ZNF671: variants seen among roughly 807,000 people sequenced by gnomAD.
ZNF671 encodes hypothetical protein FLJ23506.
ZNF671 carries 19 observed loss-of-function variants against 16.6 expected under a neutral mutation model. That is an observed-to-expected ratio of 1.14 (90% CI 0.80 to 1.68). The LOEUF is 1.68. Among genes scored for constraint, ZNF671 ranks in the 40% most tolerant of loss-of-function variants. The probability of loss-of-function intolerance (pLI) is 0.00; values close to 1 mark genes in which losing one functional copy is unlikely to be tolerated. For missense variants in ZNF671, 637 were observed against 659.8 expected (o/e 0.97, Z 0.38); for synonymous variants, 238 against 236.3 (o/e 1.01, Z -0.06).
At chr19:57,722,719 T>C (rs991422435) in intron 2 of ZNF671, among the ~76,000 whole-genome samples, 1 of 151,978 alleles carries the variant, frequency 6.6e-6, no homozygotes, top group Non-Finnish European at 1.5e-5. Flanking sequence ...CTGGGCAACA[T>C]GGCAAAACCA....
At position 57,721,572 on chromosome 19, in the gene ZNF671, T is replaced by C; in HGVS notation, c.514A>G (p.Ile172Val). ...ESHPCDICGPILKDTLHLAKY... is the reference protein window; with the variant it reads ...ESHPCDICGPVLKDTLHLAKY... ...GCCAGGTGTAAGGTATCTTTCAATA[T>C]TGGGCCACATATGTCACATGGGTGA... The change falls in exon 4 of 4, where the codon ATA becomes GTA. Residue 172 changes from isoleucine (I) to valine (V), a missense_variant. Transcript: ENST00000317398. The C allele has an allele frequency of 6.2e-7, 1 of 1,614,198 alleles. No homozygotes were observed. Among genetic ancestry groups the C allele is most frequent in the Non-Finnish European group, 8.5e-7 (1 of 1,180,036 alleles).
rs776633404 is a variant in ZNF671 at position 57,723,211 on chromosome 19, T to C, written c.265+3A>G. ...TAAAGGCAGAAAAGCATGAGGACCT[T>C]ACCCAGTGAGGCTAAAAGTGCAAAG... On this transcript the variant is annotated splice_donor_region_variant and intron_variant, in intron 2 of 3. Transcript: ENST00000317398. 2.4e-5 allele frequency: 38 copies of C among 1,609,236 alleles called. No homozygotes were observed. The highest frequency in any genetic ancestry group is 2.9e-5 in the Non-Finnish European group (34 of 1,177,206).
chr19:57,722,177 C>G, intron 3 of ZNF671, 139 bp downstream of exon 3: 2 of 1,367,578 alleles, frequency 1.5e-6, no homozygotes, highest in South Asian at 1.4e-5. Flanking sequence ...AATGATATAT[C>G]TTCGTGTCAA....
At chr19:57,721,920 A>T in intron 3 of ZNF671, 1 of 636,642 alleles carries the variant, frequency 1.6e-6, no homozygotes. Flanking sequence ...AATGGAACCA[A>T]ACAAATGGCT....
At chr19:57,727,346 A>C in intron 1 of ZNF671, 45 bp downstream of exon 1, 1 of 1,557,710 alleles carries the variant, frequency 6.4e-7, no homozygotes, top group Non-Finnish European at 8.7e-7. Context: ...TACGATTCGG[A>C]GTCGGAGAAA....
At chr19:57,725,628 C>CAAAAAAAAAAAAA (rs1430688756) in intron 1 of ZNF671, among the ~76,000 whole-genome samples, 1 of 145,882 alleles carries the variant, frequency 6.9e-6, no homozygotes, top group African/African-American at 2.6e-5. Flanking sequence ...GACTCCATCT[C>CAAAAAAAAAAAAA]AAAAAAACAA....
Position 57,721,710 on chromosome 19 carries a change from C to T in ZNF671, c.389-13G>A, listed in dbSNP as rs1985883954. ...CCATGCCAACAACCTGAAGAACACA[C>T]AAATGCTGATTAAATGCATATTTAC... On this transcript the variant is annotated splice_polypyrimidine_tract_variant and intron_variant, in intron 3 of 3. Coordinates refer to ENST00000317398, the MANE Select transcript of ZNF671 (RefSeq NM_024833.3). The T allele has an allele frequency of 6.2e-7, 1 of 1,604,916 alleles. No individual in the cohort carries two copies. The highest frequency in any genetic ancestry group is 8.5e-7 in the Non-Finnish European group (1 of 1,173,508).
intron 3 of ZNF671, chr19:57,722,088 A>G: frequency 1.5e-6 from 1 of 649,376 alleles, no homozygotes; most frequent in East Asian, 2.9e-5. Flanking sequence ...ACTGCCAAAA[A>G]ATGTAGACAG....
At chr19:57,726,302 C>G (rs916789375) in intron 1 of ZNF671, among the ~76,000 whole-genome samples, 16 of 151,354 alleles carry the variant, frequency 1.1e-4, no homozygotes, top group African/African-American at 3.9e-4. Flanking sequence ...CAGAGTGAGA[C>G]TTCGTCTCAA....
At chr19:57,727,171 T>G (rs1384302448) in intron 1 of ZNF671, 5 of 518,668 alleles carry the variant, frequency 9.6e-6, no homozygotes, top group African/African-American at 2.0e-5. Flanking sequence ...CTGCTCTGTG[T>G]TGATGAGAAC....
chr19:57,725,762 CTCTA>C (rs917424288), intron 1 of ZNF671, among the ~76,000 whole-genome samples: 3 of 151,894 alleles, frequency 2.0e-5, no homozygotes, highest in Non-Finnish European at 4.4e-5. Flanking sequence ...CATGGTGAAA[CTCTA>C]TCTAATAAAA....
chr19:57,722,448 A>T lies in ZNF671; in HGVS notation c.266-10T>A. 1 of 1,612,950 alleles carries T rather than the reference A, an allele frequency of 6.2e-7. No individual in the cohort carries two copies. The highest frequency in any genetic ancestry group is 1.7e-5 in the Admixed American group (1 of 60,008). ...CTGGAAAATGCAATTCCTAAGGGAAAGTCAGAACAGGTGAGCAGCCAGCAC... is the reference window on the plus strand; with the variant it reads ...CTGGAAAATGCAATTCCTAAGGGAATGTCAGAACAGGTGAGCAGCCAGCAC... On this transcript the variant is annotated splice_polypyrimidine_tract_variant and intron_variant, in intron 2 of 3. Coordinates refer to ENST00000317398, the MANE Select transcript of ZNF671 (RefSeq NM_024833.3).
Position 57,722,330 on chromosome 19 carries a change from C to T in ZNF671, c.374G>A (p.Arg125Lys), listed in dbSNP as rs1258410284. 6.2e-7 allele frequency: 1 copy of T among 1,614,124 alleles called. No homozygotes were observed. Among genetic ancestry groups the T allele is most frequent in the Non-Finnish European group, 8.5e-7 (1 of 1,179,994 alleles). Reference protein sequence around the residue: ...MTSATEREAQRGLRPGCWHGV... With the variant: ...MTSATEREAQKGLRPGCWHGV... Reference sequence around the variant, plus strand: ...TGTCCACTCACCAGGTCTAAGTCCCCTCTGGGCCTCTCTTTCTGTGGCTGA... The same window carrying T: ...TGTCCACTCACCAGGTCTAAGTCCCTTCTGGGCCTCTCTTTCTGTGGCTGA... The change falls in exon 3 of 4, where the codon AGG (arginine) becomes AAG (lysine). Residue 125 changes from arginine (R) to lysine (K), a missense_variant. Arg to Lys is a conservative substitution (Grantham distance 26). Transcript: ENST00000317398.
At chr19:57,721,758 T>C (rs2122457302) in intron 3 of ZNF671, 61 bp from the exon 4 acceptor site, 1 of 1,558,030 alleles carries the variant, frequency 6.4e-7, no homozygotes, top group Non-Finnish European at 8.7e-7. Context: ...GCAACCTCAT[T>C]GTATATGTGC....
chr19:57,721,796 GA>G, intron 3 of ZNF671, 99 bp from the exon 4 acceptor site: 1 of 1,475,694 alleles, frequency 6.8e-7, no homozygotes, highest in Non-Finnish European at 9.1e-7. Flanking sequence ...ATAAGTTCAT[GA>G]AACTGTTTTC....
chr19:57,722,199 G>A, intron 3 of ZNF671, 117 bp downstream of exon 3: 1 of 1,473,726 alleles, frequency 6.8e-7, no homozygotes, highest in South Asian at 1.3e-5. Context: ...AACAGGAAAG[G>A]ACAGATAGAA....
In ZNF671 at chr19:57,720,976, C is replaced by CTGAT; in HGVS notation, c.1106_1109dup (p.Cys371SerfsTer10). 1 of 1,614,222 alleles carries CTGAT rather than the reference C, an allele frequency of 6.2e-7. No individual in the cohort carries two copies. Among genetic ancestry groups the CTGAT allele is most frequent in the Non-Finnish European group, 8.5e-7 (1 of 1,180,034 alleles). On this transcript the variant is annotated frameshift_variant, in exon 4 of 4. Transcript: ENST00000317398. LOFTEE classifies it low-confidence loss of function (END_TRUNC). Reference sequence around the variant, plus strand: ...TAAAAAATTTCCCACATTTGCCACACTGATAGAGTCTTTCACCCGTGTGAA... The same window carrying CTGAT: ...TAAAAAATTTCCCACATTTGCCACACTGATTGATAGAGTCTTTCACCCGTGTGAA...
rs1223671461 is a variant in ZNF671, at chr19:57,721,450, G to T, written c.636C>A (p.Asn212Lys). 5.6e-6 allele frequency: 9 copies of T among 1,614,222 alleles called. No homozygotes were observed. Among genetic ancestry groups the T allele is most frequent in the Non-Finnish European group, 7.6e-6 (9 of 1,180,044 alleles). ...WFSTDFDQHQNQPNGGKLFPR... is the reference protein window; with the variant it reads ...WFSTDFDQHQKQPNGGKLFPR... ...GGAAAAGTTTCCCTCCATTGGGCTG[G>T]TTCTGGTGCTGGTCAAAGTCTGTAC... is the stretch of plus-strand genomic sequence containing the variant. The change falls in exon 4 of 4, where the codon AAC (asparagine) becomes AAA (lysine). Residue 212 changes from asparagine (N) to lysine (K), a missense_variant. Asn to Lys is a moderately conservative substitution (Grantham distance 94, BLOSUM62 0). Transcript: ENST00000317398.
At chr19:57,722,012 G>A (rs1037696737) in intron 3 of ZNF671, 2 of 547,830 alleles carry the variant, frequency 3.7e-6, no homozygotes, top group African/African-American at 1.9e-5. Flanking sequence ...CTACAAGTGA[G>A]CAGCTGGTGT....
Sources: gnomAD v4.1 joint callset for allele counts (sites outside exome capture counted in the v4.1 genomes callset) on GRCh38, gnomAD v4.1.1 for gene constraint, MANE v1.5 for transcripts, NCBI Gene and HGNC (gene_info 2026-07-23, HGNC 2026-07-21) for gene names.